Variants in TRIM28 observed in about 807,000 individuals in gnomAD.
TRIM28 encodes the protein tripartite motif containing 28, also known as transcription intermediary factor 1-beta.
In TRIM28, 8 loss-of-function variants were observed where a neutral mutation model predicts 87.4. The ratio of observed to expected loss-of-function variants is 0.09; its 90% CI spans 0.05 to 0.17. The LOEUF (loss-of-function observed/expected upper bound fraction) is 0.17, where lower values mean the gene tolerates loss of function less well. Ranked by LOEUF, TRIM28 falls within the 10% of genes least tolerant of loss-of-function variation. The pLI is 1.00. For synonymous variants in TRIM28, 601 were observed against 454.3 expected (o/e 1.32, Z -4.11); for missense variants, 968 against 1,131.8 (o/e 0.86, Z 2.08).
Position 58,547,639 on chromosome 19 carries a change from C to T in TRIM28, c.765C>T (p.Leu255=), listed in dbSNP as rs1396444852. ...LEDAVRNQRK[L]LASLVKRLGD... ...ATGCAGTGAGGAACCAGCGCAAGCTCCTGGCCTCACTGGTGAAGCGCCTTG... is the reference window on the plus strand; with the variant it reads ...ATGCAGTGAGGAACCAGCGCAAGCTTCTGGCCTCACTGGTGAAGCGCCTTG... The change falls in exon 5 of 17, where the codon CTC becomes CTT. Residue 255 remains leucine, a synonymous_variant. Transcript: ENST00000253024. 1.1e-5 allele frequency: 18 copies of T among 1,614,102 alleles called. No homozygotes were observed. Among genetic ancestry groups the T allele is most frequent in the Non-Finnish European group, 1.5e-5 (18 of 1,180,032 alleles).
At chr19:58,550,119 T>C (rs772656072) in intron 15 of TRIM28, 28 bp from the exon 16 acceptor site, 1 of 1,613,498 alleles carries the variant, frequency 6.2e-7, no homozygotes, top group Admixed American at 1.7e-5. Context: ...TGTGTCTTTG[T>C]GTGTGTATGT....
rs890376067 is a variant in TRIM28, at chr19:58,547,369, T to C, written c.587-7T>C. 1 of 1,612,152 alleles carries C rather than the reference T, an allele frequency of 6.2e-7. No homozygotes were observed. The highest frequency in any genetic ancestry group is 1.7e-5 in the Admixed American group (1 of 59,950). On this transcript the variant is annotated splice_polypyrimidine_tract_variant and splice_region_variant and intron_variant, in intron 3 of 16. Coordinates refer to ENST00000253024, the MANE Select transcript of TRIM28 (RefSeq NM_005762.3). ...CAAGGTCCAGCCTTATGATTCCCAC[T>C]CCCCAGGGCCAGCCAAGTCTCGGGA... is the stretch of plus-strand genomic sequence containing the variant.
chr19:58,549,490 C>T lies in TRIM28; in HGVS notation c.1822C>T (p.Pro608Ser). Residue 608 changes from proline (P) to serine (S), a missense_variant, in exon 13 of 17, where the codon CCT (proline) becomes TCT (serine). This residue lies in a region of TRIM28 where 164 missense variants were observed against 146.2 expected (regional missense o/e 1.12). Transcript: ENST00000253024. This position sits in a 1 kb window ranked among gnomAD's most constrained non-coding sequence, Gnocchi z 4.4. Reference sequence around the variant, plus strand: ...CAGCTCAGGGCTGGAGGTGGTGGCTCCTGAGGGTACCTCAGCCCCAGGTGG... The same window carrying T: ...CAGCTCAGGGCTGGAGGTGGTGGCTTCTGAGGGTACCTCAGCCCCAGGTGG... ...STSSGLEVVA[P>S]EGTSAPGGGP... 1 of 1,613,806 alleles carries T rather than the reference C, an allele frequency of 6.2e-7. No individual in the cohort carries two copies. The highest frequency in any genetic ancestry group is 1.6e-4 in the Middle Eastern group (1 of 6,062).
rs749558520 is a variant in TRIM28, at chr19:58,547,583, C to G, written c.723-14C>G. The G allele has an allele frequency of 6.2e-7, 1 of 1,613,908 alleles. No individual in the cohort carries two copies. The highest frequency in any genetic ancestry group is 8.5e-7 in the Non-Finnish European group (1 of 1,179,906). ...CGTAGCTTAGTGCTCAGGAACACATCTGTCTGCTCTCAGGTACCAGTTCTT... is the reference window on the plus strand; with the variant it reads ...CGTAGCTTAGTGCTCAGGAACACATGTGTCTGCTCTCAGGTACCAGTTCTT... On this transcript the variant is annotated splice_polypyrimidine_tract_variant and intron_variant, in intron 4 of 16. Coordinates refer to ENST00000253024, the MANE Select transcript of TRIM28 (RefSeq NM_005762.3).
In TRIM28 at chr19:58,549,446, C is replaced by T; in HGVS notation, c.1778C>T (p.Ala593Val). Residue 593 changes from alanine (A) to valine (V), a missense_variant, in exon 13 of 17, where the codon GCC becomes GTC. This residue lies in a region of TRIM28 where 164 missense variants were observed against 146.2 expected (regional missense o/e 1.12). Coordinates refer to ENST00000253024, the MANE Select transcript of TRIM28 (RefSeq NM_005762.3). The surrounding 1 kb of genome is among the most constrained non-coding windows in gnomAD (Gnocchi z 4.4). ...EGPGAEGPRL[A>V]SPSGSTSSGL... ...CCTGGTGCTGAGGGTCCCCGCCTGG[C>T]CTCACCTAGTGGCAGCACCAGCTCA... 6.2e-7 allele frequency: 1 copy of T among 1,610,154 alleles called. No individual in the cohort carries two copies. Among genetic ancestry groups the T allele is most frequent in the Non-Finnish European group, 8.5e-7 (1 of 1,177,096 alleles).
intron 3 of TRIM28, among the ~76,000 whole-genome samples, chr19:58,546,762 G>A (rs1286797245): frequency 6.6e-6 from 1 of 152,180 alleles, no homozygotes; most frequent in Non-Finnish European, 1.5e-5. Flanking sequence ...ACAGGCTTTG[G>A]AGGTTATTAA....
Position 58,550,363 on chromosome 19 carries a change from C to T in TRIM28, c.2332-14C>T. On this transcript the variant is annotated splice_polypyrimidine_tract_variant and intron_variant, in intron 16 of 16. Coordinates refer to ENST00000253024, the MANE Select transcript of TRIM28 (RefSeq NM_005762.3). ...CTAGGACCCATTCATCCACTGCATT[C>T]CTGCTTGGCCCAGGACAAGGCAGAC... is the stretch of plus-strand genomic sequence containing the variant. 5 of 1,613,096 alleles carry T rather than the reference C, an allele frequency of 3.1e-6. No homozygotes were observed. Among genetic ancestry groups the T allele is most frequent in the South Asian group, 2.2e-5 (2 of 91,072 alleles).
In TRIM28 at chr19:58,545,414, G is replaced by C. The variant is rs949625765; in HGVS notation, c.341-11G>C. The C allele has an allele frequency of 3.8e-6, 6 of 1,599,866 alleles. No homozygotes were observed. Among genetic ancestry groups the C allele is most frequent in the Admixed American group, 1.7e-5 (1 of 59,502 alleles). On this transcript the variant is annotated splice_polypyrimidine_tract_variant and intron_variant, in intron 1 of 16. Coordinates refer to ENST00000253024, the MANE Select transcript of TRIM28 (RefSeq NM_005762.3). ...ACTTGTAACAGTCTCCCACATCCCT[G>C]CTTCTCGAAGTGGTGGACTGTCCCG...
rs374323621 is a variant in TRIM28 at position 58,548,427 on chromosome 19, C to G, written c.1216+19C>G. 1.2e-6 allele frequency: 2 copies of G among 1,614,058 alleles called. No homozygotes were observed. Among genetic ancestry groups the G allele is most frequent in the Non-Finnish European group, 1.7e-6 (2 of 1,179,956 alleles). On this transcript the variant is annotated intron_variant, in intron 8 of 16. Transcript: ENST00000253024. ...GCCTTTGGTGGGTCCCCAGCTTTACCTCACTCTGTTATTACCCCACGTGCT... is the reference window on the plus strand; with the variant it reads ...GCCTTTGGTGGGTCCCCAGCTTTACGTCACTCTGTTATTACCCCACGTGCT...
At chr19:58,545,123 C>T in intron 1 of TRIM28, 26 bp downstream of exon 1, 1 of 1,395,134 alleles carries the variant, frequency 7.2e-7, no homozygotes, top group Non-Finnish European at 9.3e-7. Flanking sequence ...TCGGTGCCAC[C>T]CCTCCCCCTA....
rs773846415 is a variant in TRIM28, at chr19:58,547,852, G to A, written c.900G>A (p.Leu300=). Residue 300 remains leucine, a synonymous_variant, in exon 6 of 17, where the codon CTG becomes CTA. Coordinates refer to ENST00000253024, the MANE Select transcript of TRIM28 (RefSeq NM_005762.3). ...AAGTGGATGTCAAGATGGCCATCCTGCAGATCATGAAGGAGCTGAATAAGC... is the reference window on the plus strand; with the variant it reads ...AAGTGGATGTCAAGATGGCCATCCTACAGATCATGAAGGAGCTGAATAAGC... ...RVQVDVKMAI[L]QIMKELNKRG... 5 of 1,614,190 alleles carry A rather than the reference G, an allele frequency of 3.1e-6. No homozygotes were observed. The East Asian group carries it at 8.9e-5, about 29-fold the overall frequency.
intron 7 of TRIM28, 38 bp from the exon 8 acceptor site, chr19:58,548,256 G>GGT: frequency 6.2e-7 from 1 of 1,613,796 alleles, no homozygotes; most frequent in South Asian, 1.1e-5. Flanking sequence ...ATTTGTTGTT[G>GGT]GTGTGCTCAT....
Position 58,548,534 on chromosome 19 carries a change from C to A in TRIM28, c.1265C>A (p.Pro422His), listed in dbSNP as rs781729358. Residue 422 changes from proline (P) to histidine (H), a missense_variant, in exon 9 of 17, where the codon CCC (proline) becomes CAC (histidine). Physicochemically the swap from Pro to His is moderately conservative, Grantham distance 77. Around this residue, in one of 11 missense-constraint regions of TRIM28, gnomAD observed 119 missense variants for 93.6 expected, o/e 1.27. Transcript: ENST00000253024. ...GGCACTAACTCAACAGGCCCTGCAC[C>A]CATGGCCCCTCCAAGAGCCCCAGGG... is the stretch of plus-strand genomic sequence containing the variant. ...RPGTNSTGPA[P>H]MAPPRAPGPL... 6.2e-7 allele frequency: 1 copy of A among 1,613,980 alleles called. No homozygotes were observed. Among genetic ancestry groups the A allele is most frequent in the South Asian group, 1.1e-5 (1 of 91,078 alleles).
At position 58,550,103 on chromosome 19, in the gene TRIM28, T is replaced by C. The variant is rs768550930; in HGVS notation, c.2194-44T>C. 5.6e-6 allele frequency: 9 copies of C among 1,613,386 alleles called. No homozygotes were observed. The East Asian group carries it at 1.8e-4, about 32-fold the overall frequency. ...GGGTCTCGCCCTCAACCTGTGCATG[T>C]ATATGTGTGTCTTTGTGTGTGTATG... On this transcript the variant is annotated intron_variant, in intron 15 of 16. Transcript: ENST00000253024.
rs1308531255 is a variant in TRIM28 at position 58,548,015 on chromosome 19, A to G, written c.955-19A>G. On this transcript the variant is annotated intron_variant, in intron 6 of 16. Transcript: ENST00000253024. Reference sequence around the variant, plus strand: ...TTCTTCTGCCTTCTCTGCTTACCTCATACACCTTCTATCTGCAGAAGGTGA... The same window carrying G: ...TTCTTCTGCCTTCTCTGCTTACCTCGTACACCTTCTATCTGCAGAAGGTGA... 5.0e-6 allele frequency: 8 copies of G among 1,613,884 alleles called. No homozygotes were observed. The highest frequency in any genetic ancestry group is 1.3e-5 in the African/African-American group (1 of 74,888).
rs766151525 is a variant in TRIM28, at chr19:58,549,766, T to C, written c.2012T>C (p.Val671Ala). 1.2e-6 allele frequency: 2 copies of C among 1,611,536 alleles called. No individual in the cohort carries two copies. Among genetic ancestry groups the C allele is most frequent in the African/African-American group, 2.7e-5 (2 of 74,854 alleles). The change falls in exon 14 of 17, where the codon GTG (valine) becomes GCG (alanine). Residue 671 changes from valine to alanine, a missense_variant. Physicochemically the swap from Val to Ala is moderately conservative, Grantham distance 64 (BLOSUM62 0). This residue lies in a region of TRIM28 where 192 missense variants were observed against 225.6 expected (regional missense o/e 0.85). Coordinates refer to ENST00000253024, the MANE Select transcript of TRIM28 (RefSeq NM_005762.3). This position sits in a 1 kb window ranked among gnomAD's most constrained non-coding sequence, Gnocchi z 4.4. ...GEEWSCSLCH[V>A]LPDLKEEDGS... ...GAGTGGAGCTGCTCACTCTGCCATGTGCTCCCTGACCTGAAGGAGGAGGAT... is the reference window on the plus strand; with the variant it reads ...GAGTGGAGCTGCTCACTCTGCCATGCGCTCCCTGACCTGAAGGAGGAGGAT...
In TRIM28 at chr19:58,548,546, C is replaced by G. The variant is rs1410137962; in HGVS notation, c.1277C>G (p.Pro426Arg). The change falls in exon 9 of 17, where the codon CCA (proline) becomes CGA (arginine). Residue 426 changes from proline to arginine, a missense_variant. Pro to Arg is a moderately radical substitution (Grantham distance 103, BLOSUM62 -2). Transcript: ENST00000253024. ...ACAGGCCCTGCACCCATGGCCCCTC[C>G]AAGAGCCCCAGGGCCCCTGAGCAAG... ...NSTGPAPMAP[P>R]RAPGPLSKQG... 6.2e-7 allele frequency: 1 copy of G among 1,613,886 alleles called. No individual in the cohort carries two copies. Among genetic ancestry groups the G allele is most frequent in the African/African-American group, 1.3e-5 (1 of 75,002 alleles).
chr19:58,550,043 C>G lies in TRIM28; in HGVS notation c.2193+8C>G, dbSNP rs2053801693. 1.9e-6 allele frequency: 3 copies of G among 1,613,798 alleles called. No homozygotes were observed. The highest frequency in any genetic ancestry group is 1.6e-4 in the Middle Eastern group (1 of 6,084). On this transcript the variant is annotated splice_region_variant and intron_variant, in intron 15 of 16. Transcript: ENST00000253024. ...GACTCCACCTTCTCCCTGGTGAGTC[C>G]TAGGATGGGAAAGGGGAAGGGGGTG... is the stretch of plus-strand genomic sequence containing the variant.
chr19:58,547,586 TCTG>T lies in TRIM28; in HGVS notation c.723-8_723-6del. On this transcript the variant is annotated splice_region_variant and splice_polypyrimidine_tract_variant and intron_variant, in intron 4 of 16. Transcript: ENST00000253024. ...AGCTTAGTGCTCAGGAACACATCTG[TCTG>T]CTCTCAGGTACCAGTTCTTAGAGGA... The T allele has an allele frequency of 6.2e-7, 1 of 1,613,898 alleles. No individual in the cohort carries two copies. The highest frequency in any genetic ancestry group is 8.5e-7 in the Non-Finnish European group (1 of 1,179,918).
Sources: allele counts gnomAD v4.1 joint callset (sites outside exome capture counted in the v4.1 genomes callset), GRCh38; gene constraint gnomAD v4.1.1; regional missense constraint gnomAD v4.1.1; non-coding constraint Gnocchi (gnomAD v3.1); transcripts MANE v1.5; gene names NCBI Gene and HGNC (gene_info 2026-07-23, HGNC 2026-07-21).